Variants in CNTN4 observed in about 807,000 individuals in gnomAD.
CNTN4 encodes the protein contactin 4, also known as contactin-4.
Under a neutral mutation model 122.5 loss-of-function variants are expected in CNTN4, and 77 were observed. That is an observed-to-expected ratio of 0.63 (90% CI 0.52 to 0.76). CNTN4 has a LOEUF of 0.76. Among genes scored for constraint, CNTN4 ranks in the 30% least tolerant of loss-of-function variants. The pLI is 0.00. For missense variants in CNTN4, 1,256 were observed against 1,259.1 expected, an observed-to-expected ratio of 1.00 and a Z score of 0.04; for synonymous variants, 512 against 447.0, an observed-to-expected ratio of 1.15 and a Z score of -1.83.
chr3:2,161,245 G>T (rs777902234), intron 2 of CNTN4, among the ~76,000 whole-genome samples: 6 of 151,776 alleles, frequency 4.0e-5, no homozygotes, highest in Non-Finnish European at 8.8e-5. Flanking sequence ...AAGGAAGGAG[G>T]GGCTGAAACA....
intron 2 of CNTN4, among the ~76,000 whole-genome samples, chr3:2,121,232 T>G (rs778320829): frequency 3.3e-5 from 5 of 152,016 alleles, no homozygotes; most frequent in African/African-American, 4.8e-5. Flanking sequence ...CATAAGAAAT[T>G]ATATGCCGTG....
At chr3:2,697,851 G>A (rs1346476795) in intron 4 of CNTN4, among the ~76,000 whole-genome samples, 2 of 152,172 alleles carry the variant, frequency 1.3e-5, no homozygotes, top group African/African-American at 4.8e-5. Flanking sequence ...TCCAAAGGCA[G>A]TCTGGAGGGA....
At chr3:2,740,876 C>T (rs935378813) in intron 5 of CNTN4, among the ~76,000 whole-genome samples, 6 of 152,116 alleles carry the variant, frequency 3.9e-5, no homozygotes, top group African/African-American at 7.2e-5. Flanking sequence ...TTTACATGCT[C>T]ATTTATCCAT....
chr3:2,138,688 G>A (rs1401938901), intron 2 of CNTN4, among the ~76,000 whole-genome samples: 1 of 152,112 alleles, frequency 6.6e-6, no homozygotes, highest in Admixed American at 6.5e-5. Flanking sequence ...GTCCTCTCCT[G>A]CCCTGGAACT....
At chr3:3,002,237 C>T (rs996462852) in intron 14 of CNTN4, among the ~76,000 whole-genome samples, 13 of 152,264 alleles carry the variant, frequency 8.5e-5, no homozygotes, top group Admixed American at 5.9e-4. Context: ...TTGTGCTAAG[C>T]TTCAGCTCCA....
chr3:2,810,630 T>C (rs2150136226), intron 6 of CNTN4, among the ~76,000 whole-genome samples: 1 of 152,340 alleles, frequency 6.6e-6, no homozygotes, highest in East Asian at 1.9e-4. Context: ...ATTTCATAGA[T>C]TAAATTTTCC....
intron 2 of CNTN4, among the ~76,000 whole-genome samples, chr3:2,291,096 T>A (rs1042969326): frequency 1.3e-5 from 2 of 152,200 alleles, no homozygotes; most frequent in African/African-American, 2.4e-5. Context: ...CCATGGCCAC[T>A]GAGAATCTAG....
chr3:2,811,854 C>T (rs972790122), intron 6 of CNTN4, among the ~76,000 whole-genome samples: 19 of 151,978 alleles, frequency 1.3e-4, no homozygotes, highest in Non-Finnish European at 2.6e-4. Flanking sequence ...TTAGTAGAGA[C>T]AGGGTTTCCC....
chr3:2,410,074 A>T (rs1364367475), intron 3 of CNTN4, among the ~76,000 whole-genome samples: 1 of 152,204 alleles, frequency 6.6e-6, no homozygotes, highest in Non-Finnish European at 1.5e-5. Flanking sequence ...ACCGATATTA[A>T]CTTAGCACAT....
chr3:2,306,478 T>G (rs1414657023), intron 2 of CNTN4, among the ~76,000 whole-genome samples: 15 of 152,192 alleles, frequency 9.9e-5, no homozygotes, highest in Non-Finnish European at 2.2e-4. Context: ...TTTTGTCTAT[T>G]TTTTAACTGG....
chr3:2,903,059 C>G (rs578022784), intron 12 of CNTN4, 54 bp downstream of exon 12: 57 of 1,557,122 alleles, frequency 3.7e-5, no homozygotes, highest in Non-Finnish European at 5.0e-5. Flanking sequence ...GATCACTAAA[C>G]TAACTTGTTC....
chr3:2,236,655 T>C (rs148576082), intron 2 of CNTN4, among the ~76,000 whole-genome samples: 1 of 152,362 alleles, frequency 6.6e-6, no homozygotes, highest in Admixed American at 6.5e-5. Flanking sequence ...ACAAGCCATG[T>C]CTGTGTCCAA....
chr3:2,115,392 C>A (rs2033281218), intron 2 of CNTN4, among the ~76,000 whole-genome samples: 1 of 152,118 alleles, frequency 6.6e-6, no homozygotes, highest in Non-Finnish European at 1.5e-5. Context: ...TCTCCTTTTC[C>A]CAAAGTTGGT....
intron 2 of CNTN4, among the ~76,000 whole-genome samples, chr3:2,253,470 A>G (rs2040453292): frequency 6.6e-6 from 1 of 152,172 alleles, no homozygotes. Context: ...TTATACCATA[A>G]TTCTAGAATT....
At chr3:2,920,294 C>T (rs1292140928) in intron 12 of CNTN4, among the ~76,000 whole-genome samples, 2 of 44,446 alleles carry the variant, frequency 4.5e-5, no homozygotes, top group Non-Finnish European at 1.0e-4. Flanking sequence ...CCAGGAGTTA[C>T]AGAGGGGAGG....
At chr3:2,137,045 T>C (rs1227856725) in intron 2 of CNTN4, among the ~76,000 whole-genome samples, 5 of 152,178 alleles carry the variant, frequency 3.3e-5, no homozygotes, top group Admixed American at 6.5e-5. Flanking sequence ...GGAAAATATT[T>C]TCCCAGTATC....
At chr3:2,658,547 T>G (rs2083707012) in intron 4 of CNTN4, among the ~76,000 whole-genome samples, 1 of 152,202 alleles carries the variant, frequency 6.6e-6, no homozygotes, top group South Asian at 2.1e-4. Context: ...GTCTGTTCCA[T>G]CTATGTTGTG....
At chr3:2,437,055 G>A (rs1364038651) in intron 3 of CNTN4, among the ~76,000 whole-genome samples, 2 of 151,940 alleles carry the variant, frequency 1.3e-5, no homozygotes, top group African/African-American at 2.4e-5. Flanking sequence ...TTTACTTTGT[G>A]TATAGATTGC....
chr3:2,346,694 G>A (rs2044408511), intron 3 of CNTN4, among the ~76,000 whole-genome samples: 1 of 152,116 alleles, frequency 6.6e-6, no homozygotes, highest in Non-Finnish European at 1.5e-5. Flanking sequence ...AATGAAATCT[G>A]CTGTTAGTCA....
Sources: allele counts gnomAD v4.1 joint callset (sites outside exome capture counted in the v4.1 genomes callset), GRCh38; gene constraint gnomAD v4.1.1; transcripts MANE v1.5; gene names NCBI Gene and HGNC (gene_info 2026-07-23, HGNC 2026-07-21).